Variants in PBX1 observed in about 807,000 individuals in gnomAD.
PBX1 encodes the protein pre-B-cell leukemia transcription factor 1.
PBX1 carries 6 observed loss-of-function variants against 53.4 expected under a neutral mutation model. The ratio of observed to expected loss-of-function variants is 0.11; its 90% CI spans 0.06 to 0.22. The LOEUF is 0.22. Among genes scored for constraint, PBX1 ranks in the 10% least tolerant of loss-of-function variants. PBX1 has a pLI of 1.00. For synonymous variants in PBX1, 204 were observed against 212.3 expected (o/e 0.96, Z 0.34); for missense variants, 251 against 551.4 (o/e 0.46, Z 5.46).
At chr1:164,806,463 C>G (rs557920503) in intron 4 of PBX1, among the ~76,000 whole-genome samples, 2 of 152,272 alleles carry the variant, frequency 1.3e-5, no homozygotes, top group South Asian at 4.2e-4. Flanking sequence ...TCTGTGCCCT[C>G]TTCCCCAGAT....
At chr1:164,726,633 T>G (rs1407178265) in intron 2 of PBX1, among the ~76,000 whole-genome samples, 1 of 152,224 alleles carries the variant, frequency 6.6e-6, no homozygotes, top group African/African-American at 2.4e-5. Context: ...GAGTATAAAA[T>G]AGAGGTCTAT....
chr1:164,765,120 A>G (rs1354533795), intron 2 of PBX1, among the ~76,000 whole-genome samples: 1 of 152,178 alleles, frequency 6.6e-6, no homozygotes, highest in Non-Finnish European at 1.5e-5. Flanking sequence ...GTTTACAGAC[A>G]GTGATTTAAC....
chr1:164,695,593 C>T (rs1259342042), intron 2 of PBX1, among the ~76,000 whole-genome samples: 1 of 152,164 alleles, frequency 6.6e-6, no homozygotes, highest in Non-Finnish European at 1.5e-5. Flanking sequence ...CTTGTATATT[C>T]CTTCATTGTA....
intron 2 of PBX1, among the ~76,000 whole-genome samples, chr1:164,707,415 G>GTC (rs1230062238): frequency 1.8e-5 from 2 of 112,456 alleles, no homozygotes; most frequent in African/African-American, 7.4e-5. Context: ...GTGTGTGTGT[G>GTC]TGTGAGAGAG....
intron 2 of PBX1, among the ~76,000 whole-genome samples, chr1:164,618,836 T>C (rs1657476130): frequency 6.6e-6 from 1 of 152,174 alleles, no homozygotes; most frequent in African/African-American, 2.4e-5. Context: ...TTGCAAAATA[T>C]AGGTGCCCTG....
chr1:164,677,854 T>C (rs548287024), intron 2 of PBX1, among the ~76,000 whole-genome samples: 1 of 152,150 alleles, frequency 6.6e-6, no homozygotes, highest in East Asian at 1.9e-4. Flanking sequence ...GTTACAGTAG[T>C]GATGGAATAG....
At chr1:164,605,386 A>G (rs1656481680) in intron 2 of PBX1, 2 of 152,184 alleles carry the variant, frequency 1.3e-5, no homozygotes, top group Non-Finnish European at 2.9e-5. Flanking sequence ...AAGGTATTCT[A>G]CAACAGATGA....
At chr1:164,625,374 C>A (rs1050840766) in intron 2 of PBX1, among the ~76,000 whole-genome samples, 1 of 152,024 alleles carries the variant, frequency 6.6e-6, no homozygotes, top group African/African-American at 2.4e-5. Context: ...GTATTTTTTT[C>A]TCGGCTGTTC....
chr1:164,792,654 C>T lies in PBX1; in HGVS notation c.426C>T (p.Asp142=), dbSNP rs1668578748. ...AAAASGGAGS[D]NSVEHSDYRA... ...CGGCTTCTGGAGGGGCAGGTTCAGACAACTCAGTGGAGCATTCAGATTACA... is the reference window on the plus strand; with the variant it reads ...CGGCTTCTGGAGGGGCAGGTTCAGATAACTCAGTGGAGCATTCAGATTACA... Residue 142 remains aspartate, a synonymous_variant, in exon 3 of 9, where the codon GAC becomes GAT. Coordinates refer to ENST00000420696, the MANE Select transcript of PBX1 (RefSeq NM_002585.4). The T allele has an allele frequency of 6.2e-7, 1 of 1,614,046 alleles. No individual in the cohort carries two copies. The highest frequency in any genetic ancestry group is 8.5e-7 in the Non-Finnish European group (1 of 1,179,948).
rs955913385 is a variant in PBX1 at position 164,850,618 on chromosome 1, G to A, written c.*3942G>A. 2 of 192,698 alleles carry A rather than the reference G, an allele frequency of 1.0e-5. No homozygotes were observed. Among genetic ancestry groups the A allele is most frequent in the Non-Finnish European group, 2.2e-5 (2 of 92,250 alleles). 11.9% of individuals were successfully genotyped at this position (192,698 alleles called of 1,614,324 possible). On this transcript the variant is annotated 3_prime_UTR_variant, in exon 9 of 9. Coordinates refer to ENST00000420696, the MANE Select transcript of PBX1 (RefSeq NM_002585.4). ...TTGGGCAGAGGAGTAAGAACAAGTA[G>A]GCTTGTTCTTCTACTTTGCTTCAGA...
chr1:164,795,953 A>G (rs2102310671), intron 3 of PBX1, among the ~76,000 whole-genome samples: 1 of 152,320 alleles, frequency 6.6e-6, no homozygotes, highest in East Asian at 1.9e-4. Context: ...AAAACAAAAC[A>G]AAAAACTACC....
At chr1:164,752,209 TG>T (rs1331570777) in intron 2 of PBX1, among the ~76,000 whole-genome samples, 1 of 84,348 alleles carries the variant, frequency 1.2e-5, no homozygotes, top group African/African-American at 3.8e-5. Context: ...TAAGGTTTTG[TG>T]TGTGTGTGTG....
chr1:164,758,037 T>C (rs1336212547), intron 2 of PBX1, among the ~76,000 whole-genome samples: 1 of 152,214 alleles, frequency 6.6e-6, no homozygotes, highest in Non-Finnish European at 1.5e-5. Context: ...GATTTTTAGT[T>C]GGGCAGCAAA....
intron 2 of PBX1, among the ~76,000 whole-genome samples, chr1:164,698,197 C>G (rs1221090330): frequency 6.6e-6 from 1 of 151,962 alleles, no homozygotes; most frequent in Non-Finnish European, 1.5e-5. Flanking sequence ...AAAGAAATAC[C>G]ACGGTCCCTC....
At chr1:164,772,601 T>G (rs752079164) in intron 2 of PBX1, among the ~76,000 whole-genome samples, 15 of 152,118 alleles carry the variant, frequency 9.9e-5, no homozygotes, top group Middle Eastern at 3.2e-3. Context: ...TGGCTTGGAG[T>G]ATAGCCCCTG....
At chr1:164,832,579 T>G (rs1670821973) in intron 8 of PBX1, among the ~76,000 whole-genome samples, 1 of 152,204 alleles carries the variant, frequency 6.6e-6, no homozygotes, top group African/African-American at 2.4e-5. Flanking sequence ...GAGGTGGATT[T>G]TTAAAGTAAG....
In PBX1 at chr1:164,848,939, G is replaced by A. The variant is rs1005690253; in HGVS notation, c.*2263G>A. On this transcript the variant is annotated 3_prime_UTR_variant, in exon 9 of 9. Coordinates refer to ENST00000420696, the MANE Select transcript of PBX1 (RefSeq NM_002585.4). ...TAGCAAAATGAAATTATGCCTTGAT[G>A]ACTAAAAGGCACTAGAAAGGTTGTG... 13 of 1,075,458 alleles carry A rather than the reference G, an allele frequency of 1.2e-5. No individual in the cohort carries two copies. The Middle Eastern group carries it at 1.2e-3, about 100-fold the overall frequency. 66.6% of individuals were successfully genotyped at this position (1,075,458 alleles called of 1,614,324 possible).
chr1:164,640,802 C>CA (rs1659094784), intron 2 of PBX1, among the ~76,000 whole-genome samples: 1 of 152,064 alleles, frequency 6.6e-6, no homozygotes, highest in Non-Finnish European at 1.5e-5. Context: ...AGGCAATCCG[C>CA]CTGTCTTGGC....
At chr1:164,630,048 G>C (rs1658310608) in intron 2 of PBX1, among the ~76,000 whole-genome samples, 1 of 152,164 alleles carries the variant, frequency 6.6e-6, no homozygotes, top group African/African-American at 2.4e-5. Flanking sequence ...GGTGAATAAA[G>C]TAACCCCAAG....
Sources: allele counts gnomAD v4.1 joint callset (sites outside exome capture counted in the v4.1 genomes callset), GRCh38; gene constraint gnomAD v4.1.1; transcripts MANE v1.5; gene names NCBI Gene and HGNC (gene_info 2026-07-23, HGNC 2026-07-21).